Variants in LIMS1 observed in about 807,000 individuals in gnomAD.
LIMS1 encodes the protein LIM and senescent cell antigen-like-containing domain protein 1.
A neutral mutation model predicts 44.1 loss-of-function variants in LIMS1; 18 were observed. The observed-to-expected ratio is 0.41, with a 90% CI of 0.28 to 0.61. LIMS1 has a LOEUF of 0.61. Among genes scored for constraint, LIMS1 ranks in the 20% least tolerant of loss-of-function variants. LIMS1 has a pLI of 0.32. For missense variants in LIMS1, 201 were observed against 422.0 expected (o/e 0.48, Z 4.59); for synonymous variants, 93 against 149.1 (o/e 0.62, Z 2.74).
At chr2:108,544,706 G>T (rs1451848699) in intron 1 of LIMS1, among the ~76,000 whole-genome samples, 3 of 152,018 alleles carry the variant, frequency 2.0e-5, no homozygotes, top group Non-Finnish European at 4.4e-5. Context: ...TGTGGGCCAG[G>T]CTGGTCTCAA....
chr2:108,633,169 C>G lies in LIMS1; in HGVS notation c.33-26436C>G, dbSNP rs1431486652. Among the ~76,000 whole-genome samples, 3 of 152,146 alleles carry G rather than the reference C, an allele frequency of 2.0e-5. No homozygotes were observed. The East Asian group carries it at 5.8e-4, about 29-fold the overall frequency. On this transcript the variant is annotated intron_variant, in intron 1 of 9. Transcript: ENST00000544547. The stretch of plus-strand genomic sequence containing the variant: ...CTTTGTTTTTGCCAGCATCTTAATT[C>G]TTACTAATTGATTTGGTGAGGTTAT...
intron 1 of LIMS1, among the ~76,000 whole-genome samples, chr2:108,607,896 C>T (rs1280872508): frequency 6.6e-6 from 1 of 152,132 alleles, no homozygotes; most frequent in Non-Finnish European, 1.5e-5. Context: ...AATTGTGTGC[C>T]TGTAACATCT....
chr2:108,594,299 G>A (rs1188812093), intron 1 of LIMS1, among the ~76,000 whole-genome samples: 1 of 152,158 alleles, frequency 6.6e-6, no homozygotes, highest in Non-Finnish European at 1.5e-5. Context: ...TTGGAATCCA[G>A]ACGTTCCATG....
intron 1 of LIMS1, among the ~76,000 whole-genome samples, chr2:108,548,941 A>G (rs1684582869): frequency 6.6e-6 from 1 of 152,212 alleles, no homozygotes; most frequent in African/African-American, 2.4e-5. Context: ...AACAAATGAG[A>G]TGAAAGCCAA....
chr2:108,684,103 G>A (rs1311367851), exon 10 of LIMS1: 4 of 580,002 alleles, frequency 6.9e-6, no homozygotes, highest in Admixed American at 7.1e-5. Flanking sequence ...TGAGAGAAGA[G>A]GACCTATATG....
At chr2:108,600,089 G>T (rs1306819252) in intron 1 of LIMS1, among the ~76,000 whole-genome samples, 1 of 150,628 alleles carries the variant, frequency 6.6e-6, no homozygotes, top group South Asian at 2.1e-4. Context: ...TCACTCTGTC[G>T]CCAAGGCTGG....
At chr2:108,665,926 T>C (rs1691725825) in intron 2 of LIMS1, among the ~76,000 whole-genome samples, 1 of 152,182 alleles carries the variant, frequency 6.6e-6, no homozygotes, top group African/African-American at 2.4e-5. Flanking sequence ...GCAAAGAACA[T>C]TGGTAAGAAA....
At chr2:108,533,975 C>CCT (rs1684015020), upstream of LIMS1, 1 of 153,178 alleles carries the variant, frequency 6.5e-6, no homozygotes, top group Non-Finnish European at 1.5e-5. Flanking sequence ...GGGGCGGAAC[C>CCT]CTGTGTAGCT....
intron 2 of LIMS1, among the ~76,000 whole-genome samples, chr2:108,666,397 A>G (rs1691765081): frequency 7.3e-6 from 1 of 136,488 alleles, no homozygotes; most frequent in South Asian, 2.6e-4. Context: ...AGTTCACTGC[A>G]GTCTCCATCT....
At position 108,582,409 on chromosome 2, in the gene LIMS1, A is replaced by G. The variant is rs536103704; in HGVS notation, c.32+47815A>G. ...ACGTAAGAAAGAAAAACACCTTTGT[A>G]TAATGATGAACATAGAACCTAACTG... On this transcript the variant is annotated intron_variant, in intron 1 of 9. Transcript: ENST00000544547. Among the ~76,000 whole-genome samples the G allele has an allele frequency of 3.3e-5, 5 of 152,368 alleles. No homozygotes were observed. In the South Asian group the frequency reaches 6.2e-4, roughly 19 times the overall value.
intron 3 of LIMS1, chr2:108,671,079 G>A (rs1692132491): frequency 1.9e-6 from 1 of 519,130 alleles, no homozygotes; most frequent in Non-Finnish European, 3.4e-6. Context: ...GCTGAGGCAG[G>A]AGAATCGCTC....
intron 1 of LIMS1, among the ~76,000 whole-genome samples, chr2:108,609,885 G>A (rs995044406): frequency 5.3e-5 from 8 of 152,136 alleles, no homozygotes; most frequent in African/African-American, 1.9e-4. Flanking sequence ...GCTCATGCCT[G>A]TAATCCCAGC....
At chr2:108,674,178 A>G (rs1465883063) in intron 5 of LIMS1, among the ~76,000 whole-genome samples, 1 of 150,300 alleles carries the variant, frequency 6.7e-6, no homozygotes, top group Non-Finnish European at 1.5e-5. Flanking sequence ...AATACAAAAA[A>G]AATTAGCCGG....
intron 1 of LIMS1, among the ~76,000 whole-genome samples, chr2:108,648,740 C>G (rs1690249471): frequency 6.6e-6 from 1 of 152,158 alleles, no homozygotes; most frequent in South Asian, 2.1e-4. Context: ...GGAAAGGTTT[C>G]CCTATTTAAT....
intron 1 of LIMS1, among the ~76,000 whole-genome samples, chr2:108,543,929 G>C (rs1276554469): frequency 1.3e-5 from 2 of 152,158 alleles, no homozygotes; most frequent in Non-Finnish European, 2.9e-5. Flanking sequence ...AAGAGTCCCA[G>C]CTACTCAGGA....
At chr2:108,669,632 T>C (rs1692026417) in intron 2 of LIMS1, among the ~76,000 whole-genome samples, 1 of 151,992 alleles carries the variant, frequency 6.6e-6, no homozygotes, top group African/African-American at 2.4e-5. Flanking sequence ...GCATATAACT[T>C]GTAAGGAGCT....
chr2:108,555,246 G>A (rs1446719672), intron 1 of LIMS1, among the ~76,000 whole-genome samples: 2 of 152,156 alleles, frequency 1.3e-5, no homozygotes, highest in Admixed American at 1.3e-4. Context: ...TCCAGAATGA[G>A]AGAGCAAATA....
chr2:108,667,409 G>C (rs1388722364), intron 2 of LIMS1, among the ~76,000 whole-genome samples: 2 of 151,904 alleles, frequency 1.3e-5, no homozygotes, highest in African/African-American at 4.8e-5. Context: ...GCCAGATTTT[G>C]AACGCAGGCA....
chr2:108,618,823 C>CAA (rs36086497), intron 1 of LIMS1, among the ~76,000 whole-genome samples: 36 of 85,596 alleles, frequency 4.2e-4, no homozygotes, highest in African/African-American at 7.8e-4. Flanking sequence ...GACTCCGTCT[C>CAA]AAAAAAAAAA....
Sources: allele counts gnomAD v4.1 joint callset (sites outside exome capture counted in the v4.1 genomes callset), GRCh38; gene constraint gnomAD v4.1.1; transcripts MANE v1.5; gene names NCBI Gene and HGNC (gene_info 2026-07-23, HGNC 2026-07-21).